Variants in CDH13 observed in about 807,000 individuals in gnomAD.
CDH13 encodes the protein cadherin 13.
In CDH13, 24 loss-of-function variants were observed where a neutral mutation model predicts 63.8. That is an observed-to-expected ratio of 0.38 (90% confidence interval 0.27 to 0.53). The LOEUF (loss-of-function observed/expected upper bound fraction) is 0.53. CDH13 is among the 20% of genes least tolerant of loss of function. The pLI is 0.85. For missense variants in CDH13, 1,049 were observed against 903.1 expected (o/e 1.16, Z -2.07); for synonymous variants, 503 against 355.3 (o/e 1.42, Z -4.67).
chr16:83,766,248 A>G (rs1914378820), intron 11 of CDH13, among the ~76,000 whole-genome samples: 1 of 152,122 alleles, frequency 6.6e-6, no homozygotes, highest in Non-Finnish European at 1.5e-5. Context: ...CAGAGCCACT[A>G]CTCTCAAAAT....
intron 1 of CDH13, among the ~76,000 whole-genome samples, chr16:82,697,145 A>T (rs911372597): frequency 6.6e-6 from 1 of 152,216 alleles, no homozygotes; most frequent in Non-Finnish European, 1.5e-5. Flanking sequence ...CCACACTCAG[A>T]GGGAAGGGAA....
intron 3 of CDH13, among the ~76,000 whole-genome samples, chr16:83,043,859 T>C (rs1917549293): frequency 6.6e-6 from 1 of 152,060 alleles, no homozygotes; most frequent in Non-Finnish European, 1.5e-5. Context: ...ATATGAACAT[T>C]ATTCATAAGA....
chr16:83,052,776 C>CAA (rs71148805), intron 3 of CDH13, among the ~76,000 whole-genome samples: 2,721 of 92,636 alleles, frequency 0.029, 323 homozygotes, highest in Non-Finnish European at 0.037. Context: ...GACTTTATCT[C>CAA]AAAAAAAAAA....
At chr16:83,239,073 G>C (rs1028042489) in intron 5 of CDH13, among the ~76,000 whole-genome samples, 10 of 152,136 alleles carry the variant, frequency 6.6e-5, no homozygotes, top group Non-Finnish European at 1.3e-4. Flanking sequence ...ACTCACTGTT[G>C]GTCAGGGGAC....
chr16:83,440,684 C>T lies in CDH13; in HGVS notation c.782-45793C>T, dbSNP rs183481369. On this transcript the variant is annotated intron_variant, in intron 6 of 13. Transcript: ENST00000567109. ...CCCGTCGTCCCAGCTACTCAGGAGG[C>T]TGCGGCAGGAGAATTGCTTGAACCT... Among the ~76,000 whole-genome samples the T allele has an allele frequency of 1.7e-3, 253 of 150,900 alleles. 1 individual carries two copies. The highest frequency in any genetic ancestry group is 5.8e-3 in the African/African-American group (240 of 41,090).
At chr16:83,309,369 C>G (rs1242370744) in intron 5 of CDH13, among the ~76,000 whole-genome samples, 2 of 140,878 alleles carry the variant, frequency 1.4e-5, no homozygotes, top group East Asian at 2.2e-4. Flanking sequence ...TGGAGGCACT[C>G]CCCTCTCTCC....
At chr16:83,749,737 C>T (rs1912922112) in intron 11 of CDH13, among the ~76,000 whole-genome samples, 1 of 152,054 alleles carries the variant, frequency 6.6e-6, no homozygotes, top group South Asian at 2.1e-4. Context: ...TCAGAGGGCT[C>T]ATGAATTATT....
chr16:83,095,065 C>T (rs2034127147), intron 3 of CDH13, among the ~76,000 whole-genome samples: 3 of 152,174 alleles, frequency 2.0e-5, no homozygotes, highest in Admixed American at 1.3e-4. Context: ...CTCTTCCTCC[C>T]AAAATTAACT....
chr16:83,568,203 C>G (rs546543174), intron 7 of CDH13, among the ~76,000 whole-genome samples: 34 of 152,172 alleles, frequency 2.2e-4, no homozygotes, highest in African/African-American at 7.2e-4. Flanking sequence ...AAAAAAAAAG[C>G]TGATCTGATG....
At chr16:83,301,939 A>G (rs1385908920) in intron 5 of CDH13, among the ~76,000 whole-genome samples, 2 of 151,774 alleles carry the variant, frequency 1.3e-5, no homozygotes, top group Non-Finnish European at 2.9e-5. Context: ...ACTTTGAAAG[A>G]TCAATGAGAC....
At chr16:83,791,039 A>G (rs932113453) in intron 13 of CDH13, among the ~76,000 whole-genome samples, 1 of 152,056 alleles carries the variant, frequency 6.6e-6, no homozygotes, top group African/African-American at 2.4e-5. Flanking sequence ...GGGAGTGGGC[A>G]GGGCACAGTG....
At chr16:83,331,585 G>A (rs1384916417) in intron 5 of CDH13, among the ~76,000 whole-genome samples, 1 of 152,092 alleles carries the variant, frequency 6.6e-6, no homozygotes, top group Non-Finnish European at 1.5e-5. Context: ...TTTTAACTTT[G>A]AAATTAACAC....
chr16:83,508,137 A>AGGGG (rs2074462065), intron 7 of CDH13, among the ~76,000 whole-genome samples: 3 of 82,040 alleles, frequency 3.7e-5, no homozygotes, highest in South Asian at 1.1e-3. Context: ...AAGGAAAGGG[A>AGGGG]AGGGGAGGGG....
rs60508230 is a variant in CDH13, at chr16:83,323,282, C to CTT, written c.637-21571_637-21570dup. On this transcript the variant is annotated intron_variant, in intron 5 of 13. Coordinates refer to ENST00000567109, the MANE Select transcript of CDH13 (RefSeq NM_001257.5). ...TCCATCTTTCTTGTTTTCTTTTTTT[C>CTT]TTTTTTTTTTAAGAGGGAGTTTCGC... Among the ~76,000 whole-genome samples, 20 of 122,158 alleles carry CTT rather than the reference C, an allele frequency of 1.6e-4. No homozygotes were observed. The East Asian group carries it at 3.2e-3, about 19-fold the overall frequency. 80.1% of individuals were successfully genotyped at this position (122,158 alleles called of 152,430 possible).
chr16:82,907,181 T>C (rs2041675961), intron 2 of CDH13, among the ~76,000 whole-genome samples: 1 of 152,156 alleles, frequency 6.6e-6, no homozygotes, highest in Non-Finnish European at 1.5e-5. Context: ...CCTAGTTCAG[T>C]GGAACCCTTT....
chr16:82,783,630 C>A (rs2035868877), intron 1 of CDH13, among the ~76,000 whole-genome samples: 2 of 152,208 alleles, frequency 1.3e-5, no homozygotes, highest in Non-Finnish European at 1.5e-5. Context: ...GTAAGTTCTT[C>A]ACGGAACTAA....
chr16:83,451,089 ACAC>A (rs1191271787), intron 6 of CDH13, among the ~76,000 whole-genome samples: 1 of 152,144 alleles, frequency 6.6e-6, no homozygotes, highest in African/African-American at 2.4e-5. Context: ...ACTTGGAGAA[ACAC>A]CTTCTTCAAG....
At chr16:82,906,328 A>T (rs1358293129) in intron 2 of CDH13, among the ~76,000 whole-genome samples, 3 of 152,090 alleles carry the variant, frequency 2.0e-5, no homozygotes, top group African/African-American at 4.8e-5. Context: ...TTAACACATG[A>T]TTGGCCCTTA....
rs146890229 is a variant in CDH13 at position 83,608,247 on chromosome 16, A to G, written c.1101+5653A>G. Among the ~76,000 whole-genome samples, 606 of 152,338 alleles carry G rather than the reference A, an allele frequency of 4.0e-3. 3 individuals are homozygous for G. Among genetic ancestry groups the G allele is most frequent in the African/African-American group, 0.013 (555 of 41,566 alleles). ...ATAATAAAAACGACATAAAACTTAT[A>G]AGATCCTGTCCTCCAGCTGGAAAAT... On this transcript the variant is annotated intron_variant, in intron 8 of 13. Coordinates refer to ENST00000567109, the MANE Select transcript of CDH13 (RefSeq NM_001257.5).
Sources: gnomAD v4.1 joint callset for allele counts (sites outside exome capture counted in the v4.1 genomes callset) on GRCh38, gnomAD v4.1.1 for gene constraint, MANE v1.5 for transcripts, NCBI Gene and HGNC (gene_info 2026-07-23, HGNC 2026-07-21) for gene names.